Variants in CEP164 observed in about 807,000 individuals in gnomAD.
CEP164 encodes centrosomal protein of 164 kDa.
Under a neutral mutation model 182.7 loss-of-function variants are expected in CEP164, and 162 were observed. The observed-to-expected ratio is 0.89, with a 90% confidence interval of 0.78 to 1.01. CEP164 has a LOEUF of 1.01. CEP164 is among the 50% of genes least tolerant of loss of function. The pLI is 0.00. For synonymous variants in CEP164, 661 were observed against 690.0 expected (o/e 0.96, Z 0.66); for missense variants, 1,735 against 1,790.4 (o/e 0.97, Z 0.56).
intron 11 of CEP164, 114 bp downstream of exon 11, chr11:117,375,905 C>G (rs2042693146): frequency 1.2e-6 from 1 of 847,194 alleles, no homozygotes; most frequent in African/African-American, 1.7e-5. Flanking sequence ...TAAGTCCTCT[C>G]CCTTCTAATT....
chr11:117,371,493 G>A (rs1565512317), intron 9 of CEP164, 27 bp downstream of exon 9: 1 of 1,583,538 alleles, frequency 6.3e-7, no homozygotes, highest in Non-Finnish European at 8.6e-7. Flanking sequence ...CATAGGCAGG[G>A]GTTGGCTGTA....
intron 4 of CEP164, among the ~76,000 whole-genome samples, chr11:117,350,258 A>G (rs2039455970): frequency 6.6e-6 from 1 of 151,626 alleles, no homozygotes; most frequent in Non-Finnish European, 1.5e-5. Context: ...GCTGGAGTGC[A>G]GTGGTGTGAT....
At chr11:117,408,640 C>T (rs1172173169) in intron 28 of CEP164, 1 of 504,794 alleles carries the variant, frequency 2.0e-6, no homozygotes, top group East Asian at 3.5e-5. Flanking sequence ...GGAGTCTACT[C>T]ACCAAGTCCT....
At chr11:117,382,234 A>C (rs977528926) in intron 13 of CEP164, among the ~76,000 whole-genome samples, 1 of 152,146 alleles carries the variant, frequency 6.6e-6, no homozygotes, top group East Asian at 1.9e-4. Flanking sequence ...CATTCCTGTC[A>C]GGGAAGCCCT....
chr11:117,390,675 A>T, intron 15 of CEP164, 102 bp from the exon 16 acceptor site: 20 of 1,294,666 alleles, frequency 1.5e-5, no homozygotes, highest in Non-Finnish European at 1.9e-5. Flanking sequence ...GAAGTTTCTT[A>T]GGCAGGCAAC....
intron 8 of CEP164, among the ~76,000 whole-genome samples, chr11:117,368,951 A>C (rs1451061032): frequency 1.3e-5 from 2 of 152,060 alleles, no homozygotes. Context: ...TCCCTTCTGC[A>C]CTTCTTTCTG....
At chr11:117,356,730 G>T (rs777372633) in intron 5 of CEP164, 2 of 1,079,244 alleles carry the variant, frequency 1.9e-6, no homozygotes, top group Non-Finnish European at 2.3e-6. Context: ...CCACCCTACC[G>T]TGGTAACTAT....
At position 117,335,634 on chromosome 11, in the gene CEP164, G is replaced by A. The variant is rs958271935; in HGVS notation, c.-68G>A. The stretch of plus-strand genomic sequence containing the variant: ...AATAACTTTATTTGGACTGAGAGCT[G>A]GAGAATGAGAATAGGACCTGAGAGT... On this transcript the variant is annotated 5_prime_UTR_variant, in exon 2 of 33. Coordinates refer to ENST00000278935, the MANE Select transcript of CEP164 (RefSeq NM_014956.5). 3 of 149,472 alleles carry A rather than the reference G, an allele frequency of 2.0e-5. No homozygotes were observed. The highest frequency in any genetic ancestry group is 3.0e-5 in the Non-Finnish European group (2 of 67,748). The allele number at this position is 149,472 out of a possible 1,614,324, so 9.3% of individuals were successfully genotyped here.
chr11:117,407,457 CAA>C (rs1232486465), intron 27 of CEP164, among the ~76,000 whole-genome samples: 150 of 68,986 alleles, frequency 2.2e-3, no homozygotes, highest in African/African-American at 7.5e-3. Flanking sequence ...TCTGTCTCTA[CAA>C]AAAAAAAAAA....
intron 1 of CEP164, among the ~76,000 whole-genome samples, chr11:117,321,985 A>C (rs55986402): frequency 0.16 from 24,098 of 152,122 alleles, 2,058 homozygotes; most frequent in African/African-American, 0.17. Context: ...GATGTGAGCC[A>C]TTGCTCTCGG....
chr11:117,362,303 G>A, intron 6 of CEP164, 101 bp from the exon 7 acceptor site: 2 of 1,319,384 alleles, frequency 1.5e-6, no homozygotes, highest in Non-Finnish European at 2.1e-6. Context: ...GGTGGCACTT[G>A]ATCTGGGAGA....
At position 117,375,786 on chromosome 11, in the gene CEP164, C is replaced by G; in HGVS notation, c.1312C>G (p.Arg438Gly). ...VLSPVLGGAC[R>G]QAQQPLGIED... is the part of the protein sequence containing the mutation. ...TTCCCCAGTCCTGGGTGGAGCTTGT[C>G]GGCAGGTGAGTTTCTGTGGGTGGTG... Residue 438 changes from arginine to glycine, a missense_variant, in exon 11 of 33, where the codon CGG (arginine) becomes GGG (glycine). By Grantham distance (125) the Arg-to-Gly change is moderately radical (BLOSUM62 -2). Coordinates refer to ENST00000278935, the MANE Select transcript of CEP164 (RefSeq NM_014956.5). 1 of 1,613,928 alleles carries G rather than the reference C, an allele frequency of 6.2e-7. No individual in the cohort carries two copies.
At chr11:117,354,914 G>A (rs1414849519) in intron 5 of CEP164, 1 of 1,256,664 alleles carries the variant, frequency 8.0e-7, no homozygotes, top group African/African-American at 1.6e-5. Flanking sequence ...TTCTCTGCAT[G>A]TTTATATACC....
chr11:117,357,917 T>C (rs2040488046), intron 5 of CEP164, among the ~76,000 whole-genome samples: 1 of 152,222 alleles, frequency 6.6e-6, no homozygotes, highest in African/African-American at 2.4e-5. Flanking sequence ...TGGCTGACCT[T>C]GCCCTATCAT....
chr11:117,362,423 C>T lies in CEP164; in HGVS notation c.572C>T (p.Thr191Ile). 1 of 1,613,476 alleles carries T rather than the reference C, an allele frequency of 6.2e-7. No individual in the cohort carries two copies. Among genetic ancestry groups the T allele is most frequent in the Non-Finnish European group, 8.5e-7 (1 of 1,179,748 alleles). Residue 191 changes from threonine (T) to isoleucine (I), a missense_variant, in exon 7 of 33, where the codon ACC becomes ATC. Thr to Ile is a moderately conservative substitution (Grantham distance 89). Transcript: ENST00000278935. Reference protein sequence around the residue: ...ELMLPSQGLKTSAYTKGLLGS... With the variant: ...ELMLPSQGLKISAYTKGLLGS... ...TTGAAGCCTTCACAGGGTCTCAAGA[C>T]CTCTGCTTATACAAAGGGTCTCTTG...
chr11:117,342,766 A>G (rs1427360246), intron 3 of CEP164, among the ~76,000 whole-genome samples: 1 of 151,180 alleles, frequency 6.6e-6, no homozygotes, highest in Non-Finnish European at 1.5e-5. Flanking sequence ...ATGAACCACC[A>G]TGCCTGGCTG....
In CEP164 at chr11:117,371,170, A is replaced by G. The variant is rs1238162450; in HGVS notation, c.856A>G (p.Ser286Gly). The G allele has an allele frequency of 1.9e-6, 3 of 1,614,198 alleles. No individual in the cohort carries two copies. In the South Asian group the frequency reaches 3.3e-5, roughly 18 times the overall value. ...TCCCCCTACTCCCTGCAAGCCCTCCAGCCCAGGTGCAGACAGCAGTCTGAG... is the reference window on the plus strand; with the variant it reads ...TCCCCCTACTCCCTGCAAGCCCTCCGGCCCAGGTGCAGACAGCAGTCTGAG... Reference protein sequence around the residue: ...AGPPTPCKPSSPGADSSLSSA... With the variant: ...AGPPTPCKPSGPGADSSLSSA... Residue 286 changes from serine to glycine, a missense_variant, in exon 9 of 33, where the codon AGC becomes GGC. Ser to Gly is a moderately conservative substitution (Grantham distance 56). Transcript: ENST00000278935.
chr11:117,373,638 A>T, intron 9 of CEP164, 113 bp from the exon 10 acceptor site: 1 of 838,994 alleles, frequency 1.2e-6, no homozygotes, highest in South Asian at 1.6e-5. Flanking sequence ...AGTGGATTTC[A>T]GTTTGACCTG....
At chr11:117,385,793 G>C (rs539347345) in intron 14 of CEP164, 1 of 152,220 alleles carries the variant, frequency 6.6e-6, no homozygotes, top group South Asian at 2.1e-4. Context: ...ATGGAGTTGG[G>C]AGCAGAAGAG....
Sources: allele counts gnomAD v4.1 joint callset (sites outside exome capture counted in the v4.1 genomes callset), GRCh38; gene constraint gnomAD v4.1.1; transcripts MANE v1.5; gene names NCBI Gene and HGNC (gene_info 2026-07-23, HGNC 2026-07-21).